Variants in CSMD2 observed in about 807,000 individuals in gnomAD.
CSMD2 encodes CUB and Sushi multiple domains 2, also known as CUB and sushi domain-containing protein 2.
CSMD2 carries 130 observed loss-of-function variants against 398.5 expected under a neutral mutation model. The ratio of observed to expected loss-of-function variants is 0.33; its 90% CI spans 0.28 to 0.38. The LOEUF is 0.38. CSMD2 is among the 10% of genes least tolerant of loss of function. The pLI is 1.00. For synonymous variants in CSMD2, 1,828 were observed against 1,908.5 expected (o/e 0.96, Z 1.10); for missense variants, 3,829 against 4,764.9 (o/e 0.80, Z 5.78).
intron 3 of CSMD2, among the ~76,000 whole-genome samples, chr1:33,951,654 T>G (rs1357505377): frequency 6.6e-6 from 1 of 152,184 alleles, no homozygotes; most frequent in Admixed American, 6.5e-5. Context: ...CACCTGCCTA[T>G]AAAACAAACC....
At chr1:33,577,552 C>T (rs1638365127) in intron 48 of CSMD2, 68 bp from the exon 49 acceptor site, 2 of 1,365,450 alleles carry the variant, frequency 1.5e-6, no homozygotes, top group Non-Finnish European at 2.0e-6. Context: ...TTCATGCAGG[C>T]CCCTTTCCCT....
At chr1:33,764,228 T>C (rs1043562789) in intron 13 of CSMD2, among the ~76,000 whole-genome samples, 1 of 152,110 alleles carries the variant, frequency 6.6e-6, no homozygotes, top group African/African-American at 2.4e-5. Flanking sequence ...TGTGACCCAT[T>C]CCTTCATCCA....
At chr1:34,010,750 C>G (rs1171297279) in intron 3 of CSMD2, among the ~76,000 whole-genome samples, 5 of 152,240 alleles carry the variant, frequency 3.3e-5, no homozygotes, top group Admixed American at 1.3e-4. Context: ...TCCTGAGTAG[C>G]TGGGACTACA....
At chr1:34,039,110 C>T (rs530135462) in intron 2 of CSMD2, among the ~76,000 whole-genome samples, 2 of 152,210 alleles carry the variant, frequency 1.3e-5, no homozygotes, top group East Asian at 3.9e-4. Flanking sequence ...ATTCTGCATG[C>T]TCAGAGGTCC....
rs367562696 is a variant in CSMD2, at chr1:33,567,567, C to A, written c.8380+26G>T. ...TCCATGTTGAATCTGAGCCCCATGA[C>A]TAGGGAGAGTGGATGACATACTTAC... On this transcript the variant is annotated intron_variant, in intron 53 of 70. Transcript: ENST00000373381. The A allele has an allele frequency of 1.9e-6, 3 of 1,612,300 alleles. No individual in the cohort carries two copies. In the Admixed American group the frequency reaches 5.0e-5, roughly 27 times the overall value.
intron 37 of CSMD2, 41 bp from the exon 38 acceptor site, chr1:33,617,658 C>T (rs751418181): frequency 1.3e-6 from 2 of 1,505,606 alleles, no homozygotes; most frequent in East Asian, 2.3e-5. Flanking sequence ...AATGGACTAG[C>T]CCAGCAGGTC....
intron 19 of CSMD2, among the ~76,000 whole-genome samples, chr1:33,722,709 A>T (rs1646398048): frequency 1.3e-5 from 2 of 149,280 alleles, no homozygotes; most frequent in East Asian, 2.0e-4. Flanking sequence ...TTAGTATTTG[A>T]CTTTAAATTT....
intron 5 of CSMD2, among the ~76,000 whole-genome samples, chr1:33,917,315 T>C (rs547457980): frequency 6.6e-6 from 1 of 152,332 alleles, no homozygotes; most frequent in Non-Finnish European, 1.5e-5. Context: ...TGGCTCCTCA[T>C]GTGCTAACAA....
intron 3 of CSMD2, among the ~76,000 whole-genome samples, chr1:33,939,642 T>G (rs993295869): frequency 2.0e-5 from 3 of 152,238 alleles, no homozygotes; most frequent in Non-Finnish European, 2.9e-5. Context: ...AGTCGATTCT[T>G]CTTAAAAAGT....
At chr1:33,556,426 A>G (rs1233046415) in intron 55 of CSMD2, among the ~76,000 whole-genome samples, 1 of 152,202 alleles carries the variant, frequency 6.6e-6, no homozygotes, top group Non-Finnish European at 1.5e-5. Context: ...AGGGCCTACA[A>G]AATGTATATA....
At chr1:33,688,241 T>G (rs1005711164) in intron 25 of CSMD2, among the ~76,000 whole-genome samples, 2 of 152,144 alleles carry the variant, frequency 1.3e-5, no homozygotes, top group Non-Finnish European at 2.9e-5. Flanking sequence ...TCAAACAGGA[T>G]GAGGTAGGTC....
At position 33,798,337 on chromosome 1, in the gene CSMD2, G is replaced by A. The variant is rs2124908065; in HGVS notation, c.1447-5811C>T. On this transcript the variant is annotated intron_variant, in intron 10 of 70. Coordinates refer to ENST00000373381, the MANE Select transcript of CSMD2 (RefSeq NM_001281956.2). ...CATAATTACTGAGCACCTGCCATGT[G>A]CCAAGCCCAGAGCTAGCTGCTTCCC... Among the ~76,000 whole-genome samples, 4 of 152,342 alleles carry A rather than the reference G, an allele frequency of 2.6e-5. 1 individual carries two copies. The South Asian group carries it at 8.3e-4, about 32-fold the overall frequency.
intron 26 of CSMD2, among the ~76,000 whole-genome samples, chr1:33,662,103 CAT>C (rs928534700): frequency 6.6e-6 from 1 of 152,178 alleles, no homozygotes; most frequent in Non-Finnish European, 1.5e-5. Context: ...CAGGACCAAT[CAT>C]ATAAATTATC....
At chr1:34,123,682 T>C (rs990749304) in intron 1 of CSMD2, among the ~76,000 whole-genome samples, 13 of 152,008 alleles carry the variant, frequency 8.6e-5, no homozygotes, top group African/African-American at 3.1e-4. Context: ...AGGAGTTGAA[T>C]TGGAGGATGC....
Position 34,061,824 on chromosome 1 carries a change from C to T in CSMD2, c.404+27153G>A, listed in dbSNP as rs143524263. On this transcript the variant is annotated intron_variant, in intron 2 of 70. Transcript: ENST00000373381. ...CATCACACACAAAGGCACAGGCTTC[C>T]GTGCTGGATCCTACAAAACCTCCTG... Among the ~76,000 whole-genome samples, 273 of 152,272 alleles carry T rather than the reference C, an allele frequency of 1.8e-3. 4 individuals are homozygous for T. The highest frequency in any genetic ancestry group is 9.7e-3 in the Admixed American group (148 of 15,294).
intron 44 of CSMD2, chr1:33,592,044 G>A (rs543404142): frequency 1.0e-4 from 32 of 310,214 alleles, no homozygotes; most frequent in African/African-American, 6.6e-4. Context: ...CTAGGTTGTT[G>A]TATTCCTTGG....
intron 4 of CSMD2, among the ~76,000 whole-genome samples, chr1:33,927,874 A>G (rs539862775): frequency 2.6e-5 from 4 of 152,182 alleles, no homozygotes; most frequent in African/African-American, 4.8e-5. Flanking sequence ...GGCTTTCTTC[A>G]TAGGATGGAA....
intron 13 of CSMD2, among the ~76,000 whole-genome samples, chr1:33,767,868 C>A (rs1650717758): frequency 6.6e-6 from 1 of 152,156 alleles, no homozygotes; most frequent in Admixed American, 6.5e-5. Context: ...CTTACATTTG[C>A]AGATGATCCC....
In CSMD2 at chr1:33,819,632, C is replaced by T. The variant is rs546183659; in HGVS notation, c.1324+81G>A. 4.9e-5 allele frequency: 66 copies of T among 1,354,052 alleles called. No homozygotes were observed. The African/African-American group carries it at 9.1e-4, about 19-fold the overall frequency. The allele number at this position is 1,354,052 out of a possible 1,614,324, so 83.9% of individuals were successfully genotyped here. On this transcript the variant is annotated intron_variant, in intron 9 of 70. Coordinates refer to ENST00000373381, the MANE Select transcript of CSMD2 (RefSeq NM_001281956.2). ...AGCCAGTCTGCTTGAGAGCCTGGGC[C>T]TCAGGTGCTGGGAGCTGGGCTTCAG... is the stretch of plus-strand genomic sequence containing the variant.
Sources: gnomAD v4.1 joint callset for allele counts (sites outside exome capture counted in the v4.1 genomes callset) on GRCh38, gnomAD v4.1.1 for gene constraint, MANE v1.5 for transcripts, NCBI Gene and HGNC (gene_info 2026-07-23, HGNC 2026-07-21) for gene names.